Variants in ADAMTS3 observed in about 807,000 individuals in gnomAD.
The protein encoded by ADAMTS3 is ADAM metallopeptidase with thrombospondin type 1 motif 3.
A neutral mutation model predicts 129.0 loss-of-function variants in ADAMTS3; 73 were observed. That is an observed-to-expected ratio of 0.57 (90% CI 0.47 to 0.69). The LOEUF (loss-of-function observed/expected upper bound fraction) is 0.69, where lower values mean the gene tolerates loss of function less well. Ranked by LOEUF, ADAMTS3 falls within the 30% of genes least tolerant of loss-of-function variation. The pLI, the probability that ADAMTS3 is intolerant of heterozygous loss-of-function variation, is 0.00. For synonymous variants in ADAMTS3, 477 were observed against 510.8 expected, an observed-to-expected ratio of 0.93 and a Z score of 0.89; for missense variants, 1,457 against 1,514.5, an observed-to-expected ratio of 0.96 and a Z score of 0.63.
chr4:72,441,728 G>A (rs1470193391), intron 3 of ADAMTS3: 1 of 151,788 alleles, frequency 6.6e-6, no homozygotes, highest in Non-Finnish European at 1.5e-5. Flanking sequence ...CAGAGCTGGT[G>A]TTGGTTTATT....
intron 3 of ADAMTS3, among the ~76,000 whole-genome samples, chr4:72,488,907 T>C (rs1048639574): frequency 1.3e-5 from 2 of 151,930 alleles, no homozygotes; most frequent in Non-Finnish European, 1.5e-5. Flanking sequence ...ACTATAAAGT[T>C]TGTATGCTTT....
intron 3 of ADAMTS3, among the ~76,000 whole-genome samples, chr4:72,541,391 A>C (rs1272829658): frequency 1.3e-5 from 2 of 152,204 alleles, no homozygotes; most frequent in East Asian, 3.9e-4. Flanking sequence ...CATAGGTGGA[A>C]GGGACTTGCC....
At chr4:72,349,417 CTATAT>C (rs1720369572) in intron 4 of ADAMTS3, among the ~76,000 whole-genome samples, 1 of 152,044 alleles carries the variant, frequency 6.6e-6, no homozygotes, top group South Asian at 2.1e-4. Flanking sequence ...CTAAGAGAAT[CTATAT>C]TATGATATAA....
intron 2 of ADAMTS3, among the ~76,000 whole-genome samples, chr4:72,556,300 T>C (rs754679548): frequency 2.6e-4 from 40 of 151,758 alleles, no homozygotes; most frequent in Non-Finnish European, 5.1e-4. Context: ...TTCAGCCAGA[T>C]ATGCTACAAC....
At chr4:72,421,889 G>GA (rs974213201) in intron 3 of ADAMTS3, among the ~76,000 whole-genome samples, 1 of 151,832 alleles carries the variant, frequency 6.6e-6, no homozygotes, top group Non-Finnish European at 1.5e-5. Flanking sequence ...CTTAAGAAAG[G>GA]AAAAAAATCA....
chr4:72,309,737 C>A (rs1315506857), intron 14 of ADAMTS3, among the ~76,000 whole-genome samples: 2 of 151,910 alleles, frequency 1.3e-5, no homozygotes, highest in Non-Finnish European at 2.9e-5. Context: ...TATATTTCCT[C>A]CAGTCCAATG....
intron 4 of ADAMTS3, among the ~76,000 whole-genome samples, chr4:72,365,916 T>G (rs946555009): frequency 6.6e-6 from 1 of 152,150 alleles, no homozygotes; most frequent in African/African-American, 2.4e-5. Context: ...TTCGAAAACA[T>G]GCAAAGTAAA....
chr4:72,384,502 T>C (rs1027929899), intron 4 of ADAMTS3, among the ~76,000 whole-genome samples: 2 of 152,134 alleles, frequency 1.3e-5, no homozygotes, highest in Non-Finnish European at 2.9e-5. Context: ...CAGAAGACAG[T>C]AGAAAAATGT....
At chr4:72,383,948 T>G (rs941700313) in intron 4 of ADAMTS3, among the ~76,000 whole-genome samples, 12 of 151,866 alleles carry the variant, frequency 7.9e-5, no homozygotes, top group Non-Finnish European at 1.3e-4. Flanking sequence ...AATGAGCAAG[T>G]AGAAAAGCTC....
intron 3 of ADAMTS3, among the ~76,000 whole-genome samples, chr4:72,539,161 A>G (rs1384687801): frequency 6.6e-6 from 1 of 152,100 alleles, no homozygotes; most frequent in Non-Finnish European, 1.5e-5. Flanking sequence ...AATAAATTGG[A>G]CTTCATGAAA....
intron 3 of ADAMTS3, among the ~76,000 whole-genome samples, chr4:72,499,525 C>T (rs1409256624): frequency 6.6e-6 from 1 of 152,156 alleles, no homozygotes; most frequent in African/African-American, 2.4e-5. Context: ...CAAAAATCAA[C>T]TTCCTATATT....
intron 4 of ADAMTS3, among the ~76,000 whole-genome samples, chr4:72,361,960 T>C (rs978675285): frequency 6.6e-6 from 1 of 152,098 alleles, no homozygotes; most frequent in African/African-American, 2.4e-5. Flanking sequence ...TCTGTATGCA[T>C]ACGTAACTGG....
chr4:72,384,907 G>A (rs376230781), intron 4 of ADAMTS3, among the ~76,000 whole-genome samples: 8 of 152,238 alleles, frequency 5.3e-5, no homozygotes, highest in South Asian at 4.1e-4. Flanking sequence ...GGTGGCTCAC[G>A]CCTGTAATCC....
intron 4 of ADAMTS3, among the ~76,000 whole-genome samples, chr4:72,368,488 A>G (rs111299217): frequency 6.6e-6 from 1 of 152,236 alleles, no homozygotes; most frequent in African/African-American, 2.4e-5. Context: ...TCTAGATTCT[A>G]TCTCAATTAC....
At chr4:72,462,526 C>T (rs1718798718) in intron 3 of ADAMTS3, among the ~76,000 whole-genome samples, 1 of 151,898 alleles carries the variant, frequency 6.6e-6, no homozygotes, top group African/African-American at 2.4e-5. Flanking sequence ...CAACAATGGA[C>T]TGCATATATG....
Position 72,436,616 on chromosome 4 carries a change from T to A in ADAMTS3, c.505-21645A>T, listed in dbSNP as rs183138477. Among the ~76,000 whole-genome samples, 69 of 152,042 alleles carry A rather than the reference T, an allele frequency of 4.5e-4. No individual in the cohort carries two copies. In the East Asian group the frequency reaches 5.4e-3, roughly 12 times the overall value. On this transcript the variant is annotated intron_variant, in intron 3 of 21. Coordinates refer to ENST00000286657, the MANE Select transcript of ADAMTS3 (RefSeq NM_014243.3). ...GACTTGGAACCAACCCAAATGTCCATCAATGATAGACTGGATTAAGAAAAT... is the reference window on the plus strand; with the variant it reads ...GACTTGGAACCAACCCAAATGTCCAACAATGATAGACTGGATTAAGAAAAT...
chr4:72,429,066 G>A (rs1169716183), intron 3 of ADAMTS3, among the ~76,000 whole-genome samples: 1 of 151,996 alleles, frequency 6.6e-6, no homozygotes, highest in Admixed American at 6.6e-5. Context: ...TCAGAAATCT[G>A]CAGTTTTAAC....
chr4:72,500,228 AT>A (rs1719976333), intron 3 of ADAMTS3, among the ~76,000 whole-genome samples: 1 of 152,174 alleles, frequency 6.6e-6, no homozygotes, highest in East Asian at 1.9e-4. Context: ...ACAAATTTGC[AT>A]TCCCACTAAC....
intron 3 of ADAMTS3, among the ~76,000 whole-genome samples, chr4:72,459,007 A>C (rs1718695732): frequency 6.6e-6 from 1 of 151,724 alleles, no homozygotes; most frequent in African/African-American, 2.4e-5. Flanking sequence ...ATGCTAACAA[A>C]AAAACAATTT....
Sources: gnomAD v4.1 joint callset for allele counts (sites outside exome capture counted in the v4.1 genomes callset) on GRCh38, gnomAD v4.1.1 for gene constraint, MANE v1.5 for transcripts, NCBI Gene and HGNC (gene_info 2026-07-23, HGNC 2026-07-21) for gene names.